Variants in C7 observed in about 807,000 individuals in gnomAD.
C7 encodes complement C7.
In C7, 83 loss-of-function variants were observed where a neutral mutation model predicts 104.8. The observed-to-expected ratio is 0.79, with a 90% confidence interval of 0.66 to 0.95. C7 has a LOEUF of 0.95. C7 is among the 40% of genes least tolerant of loss of function. The pLI is 0.00. For missense variants in C7, 1,070 were observed against 1,011.2 expected (o/e 1.06, Z -0.79); for synonymous variants, 415 against 360.6 (o/e 1.15, Z -1.71).
At chr5:40,944,937 A>G (rs1024904926) in intron 6 of C7, among the ~76,000 whole-genome samples, 9 of 152,236 alleles carry the variant, frequency 5.9e-5, no homozygotes, top group African/African-American at 1.9e-4. Flanking sequence ...TTAAAGGAAC[A>G]TGGAAGTTGT....
chr5:40,952,502 A>G (rs1421304840), intron 9 of C7, among the ~76,000 whole-genome samples: 2 of 151,352 alleles, frequency 1.3e-5, no homozygotes. Flanking sequence ...TTATTTATTT[A>G]TTTTTATTAT....
In C7 at chr5:40,964,853, T is replaced by G; in HGVS notation, c.1862T>G (p.Val621Gly). 2 of 1,613,716 alleles carry G rather than the reference T, an allele frequency of 1.2e-6. No homozygotes were observed. The highest frequency in any genetic ancestry group is 1.7e-6 in the Non-Finnish European group (2 of 1,179,762). Residue 621 changes from valine (V) to glycine (G), a missense_variant, in exon 14 of 18, where the codon GTT (valine) becomes GGT (glycine). Val to Gly is a moderately radical substitution (Grantham distance 109). Transcript: ENST00000313164. ...ARCGEDLRWL[V>G]GEMHCQKIAC... ...TGTGGAGAAGATTTACGGTGGCTTG[T>G]TGGGGAAATGCATTGTCAGAGTGAG...
intron 6 of C7, among the ~76,000 whole-genome samples, chr5:40,941,932 T>A (rs1164945579): frequency 6.6e-6 from 1 of 152,042 alleles, no homozygotes; most frequent in African/African-American, 2.4e-5. Context: ...GGAATTAGCA[T>A]AGAGGAGTAA....
intron 1 of C7, among the ~76,000 whole-genome samples, chr5:40,925,688 GT>G (rs1281675973): frequency 3.3e-5 from 5 of 152,130 alleles, no homozygotes; most frequent in African/African-American, 1.2e-4. Context: ...TTGGGTCTTG[GT>G]TCTGTAGGCT....
intron 3 of C7, among the ~76,000 whole-genome samples, chr5:40,932,340 A>AT (rs1444412373): frequency 6.6e-6 from 1 of 152,094 alleles, no homozygotes; most frequent in East Asian, 1.9e-4. Flanking sequence ...TTTAATAAAC[A>AT]TTTTTGAATG....
chr5:40,959,887 A>G (rs769735872), intron 12 of C7, among the ~76,000 whole-genome samples: 2 of 152,212 alleles, frequency 1.3e-5, no homozygotes, highest in Non-Finnish European at 2.9e-5. Context: ...TTGGCCACCT[A>G]CTTGCTGTGT....
rs111553030 is a variant in C7 at position 40,969,482 on chromosome 5, C to T, written c.1883-2921C>T. 1.5e-3 allele frequency among the ~76,000 whole-genome samples: 231 copies of T among 152,194 alleles called. 1 individual carries two copies. Among genetic ancestry groups the T allele is most frequent in the African/African-American group, 5.2e-3 (217 of 41,524 alleles). On this transcript the variant is annotated intron_variant, in intron 14 of 17. Transcript: ENST00000313164. ...AGTTTTAATTGAATGTCAGACTTTA[C>T]GTATGAAAATTTAAAAATTGGATGA...
chr5:40,942,800 A>G (rs545703681), intron 6 of C7, among the ~76,000 whole-genome samples: 15 of 145,638 alleles, frequency 1.0e-4, no homozygotes, highest in Admixed American at 2.8e-4. Flanking sequence ...GAGTCTTGCT[A>G]TGTCACCAGG....
intron 1 of C7, among the ~76,000 whole-genome samples, chr5:40,911,690 C>T (rs994045698): frequency 6.6e-6 from 1 of 151,754 alleles, no homozygotes; most frequent in Non-Finnish European, 1.5e-5. Context: ...GTAGTTCCAG[C>T]TTAGCTACAT....
At chr5:40,969,744 C>A (rs1255828446) in intron 14 of C7, among the ~76,000 whole-genome samples, 1 of 151,946 alleles carries the variant, frequency 6.6e-6, no homozygotes, top group Non-Finnish European at 1.5e-5. Context: ...GTTTTCTCTT[C>A]AGTTTAGCAG....
chr5:40,921,181 G>A (rs1178383780), intron 1 of C7, among the ~76,000 whole-genome samples: 1 of 151,898 alleles, frequency 6.6e-6, no homozygotes, highest in Non-Finnish European at 1.5e-5. Context: ...AGATGGTTCT[G>A]AAAAGAAAAT....
chr5:40,978,140 G>A (rs202214800), intron 16 of C7, among the ~76,000 whole-genome samples: 7,055 of 105,128 alleles, frequency 0.067, no homozygotes, highest in Non-Finnish European at 0.082. Flanking sequence ...ATCTCAAAAA[G>A]AAAAAAAAAA....
intron 1 of C7, among the ~76,000 whole-genome samples, chr5:40,911,495 C>A (rs1530811): frequency 0.042 from 6,348 of 152,198 alleles, 443 homozygotes; most frequent in African/African-American, 0.14. Flanking sequence ...TGTTCCGTCC[C>A]TCCAGGAGAG....
At position 40,981,761 on chromosome 5, in the gene C7, G is replaced by T. The variant is rs867022263; in HGVS notation, c.*188G>T. 11 of 512,274 alleles carry T rather than the reference G, an allele frequency of 2.1e-5. No homozygotes were observed. The highest frequency in any genetic ancestry group is 3.4e-5 in the Non-Finnish European group (10 of 294,438). The allele number at this position is 512,274 out of a possible 1,614,324, so 31.7% of individuals were successfully genotyped here. On this transcript the variant is annotated 3_prime_UTR_variant, in exon 18 of 18. Transcript: ENST00000313164. ...CAAATCTGAATCGAATTACTCTTTT[G>T]CCTCCTTTTTAATGTCAGTAAGGAT... is the stretch of plus-strand genomic sequence containing the variant.
intron 9 of C7, among the ~76,000 whole-genome samples, chr5:40,953,841 C>T (rs1740229271): frequency 2.6e-5 from 1 of 38,206 alleles, no homozygotes; most frequent in South Asian, 9.0e-4. Flanking sequence ...ATCAAAATAT[C>T]ACATGCACCC....
chr5:40,920,297 T>G, intron 1 of C7, among the ~76,000 whole-genome samples: 1 of 152,072 alleles, frequency 6.6e-6, no homozygotes, highest in South Asian at 2.1e-4. Flanking sequence ...CTTCCAGCAT[T>G]GAAAGTGAGG....
intron 9 of C7, 61 bp downstream of exon 9, chr5:40,950,075 T>A: frequency 1.0e-6 from 1 of 969,092 alleles, no homozygotes; most frequent in Non-Finnish European, 1.6e-6. Context: ...TACTTTTAAG[T>A]TCAAGGGTAC....
In C7 at chr5:40,930,935, C is replaced by T; in HGVS notation, c.63-129C>T. ...CTCCATTTTTATATATTTTAGGATC[C>T]TTTTAGTGTCTCTTCGGAAAAAATA... is the stretch of plus-strand genomic sequence containing the variant. On this transcript the variant is annotated intron_variant, in intron 2 of 17. Transcript: ENST00000313164. 4 of 697,382 alleles carry T rather than the reference C, an allele frequency of 5.7e-6. No individual in the cohort carries two copies. In the South Asian group the frequency reaches 6.6e-5, roughly 11 times the overall value. 43.2% of individuals were successfully genotyped at this position (697,382 alleles called of 1,614,324 possible).
Position 40,909,509 on chromosome 5 carries a change from A to G in C7, c.-102A>G, listed in dbSNP as rs1458055824. 3 of 781,730 alleles carry G rather than the reference A, an allele frequency of 3.8e-6. No individual in the cohort carries two copies. The highest frequency in any genetic ancestry group is 6.3e-6 in the Non-Finnish European group (3 of 474,480). 48.4% of individuals were successfully genotyped at this position (781,730 alleles called of 1,614,324 possible). Reference sequence around the variant, plus strand: ...GATAATCTAGAGCAGGGAGAGGCAGAGAGGCAGGCAGCCTGCTGGGCTCTT... The same window carrying G: ...GATAATCTAGAGCAGGGAGAGGCAGGGAGGCAGGCAGCCTGCTGGGCTCTT... On this transcript the variant is annotated 5_prime_UTR_variant, in exon 1 of 18. Coordinates refer to ENST00000313164, the MANE Select transcript of C7 (RefSeq NM_000587.4).
Sources: allele counts gnomAD v4.1 joint callset (sites outside exome capture counted in the v4.1 genomes callset), GRCh38; gene constraint gnomAD v4.1.1; transcripts MANE v1.5; gene names NCBI Gene and HGNC (gene_info 2026-07-23, HGNC 2026-07-21).